The following NCAM1 variants were observed in gnomAD, a reference collection of about 807,000 sequenced individuals.
The protein encoded by NCAM1 is antigen recognized by monoclonal antibody 5.1H11.
Under a neutral mutation model 109.8 loss-of-function variants are expected in NCAM1, and 14 were observed. The observed-to-expected ratio is 0.13, with a 90% CI of 0.08 to 0.20. NCAM1 has a LOEUF of 0.20. Among genes scored for constraint, NCAM1 ranks in the 10% least tolerant of loss-of-function variants. The pLI is 1.00. For missense variants in NCAM1, 774 were observed against 1,109.9 expected, an observed-to-expected ratio of 0.70 and a Z score of 4.30; for synonymous variants, 418 against 442.9, an observed-to-expected ratio of 0.94 and a Z score of 0.70.
chr11:113,271,369 C>CAAAAAAAAAAAAAAAAA (rs71060298), intron 18 of NCAM1, among the ~76,000 whole-genome samples: 1 of 66,876 alleles, frequency 1.5e-5, no homozygotes, highest in Non-Finnish European at 2.5e-5. Flanking sequence ...GACTCTGTCT[C>CAAAAAAAAAAAAAAAAA]AAAAAAAAAA....
intron 1 of NCAM1, among the ~76,000 whole-genome samples, chr11:113,153,453 T>TGAGA (rs10669540): frequency 4.8e-4 from 68 of 141,270 alleles, no homozygotes; most frequent in East Asian, 8.5e-4. Context: ...AGACAGAGAG[T>TGAGA]GAGAGAGAGA....
intron 1 of NCAM1, among the ~76,000 whole-genome samples, chr11:113,171,701 G>A (rs1270475109): frequency 6.6e-6 from 1 of 152,016 alleles, no homozygotes; most frequent in Non-Finnish European, 1.5e-5. Flanking sequence ...CCCTCTTGAA[G>A]CTAACAATGA....
chr11:113,071,357 T>A (rs1463343605), intron 1 of NCAM1, among the ~76,000 whole-genome samples: 1 of 152,166 alleles, frequency 6.6e-6, no homozygotes, highest in African/African-American at 2.4e-5. Context: ...ATGATATTCC[T>A]TGAAGCTTTT....
intron 1 of NCAM1, among the ~76,000 whole-genome samples, chr11:113,008,149 T>C (rs1555073651): frequency 6.6e-6 from 1 of 152,228 alleles, no homozygotes; most frequent in African/African-American, 2.4e-5. Context: ...CTCTTCTTCA[T>C]AGTCTTATTC....
At chr11:113,191,960 A>C (rs1943691585) in intron 1 of NCAM1, among the ~76,000 whole-genome samples, 2 of 152,258 alleles carry the variant, frequency 1.3e-5, no homozygotes, top group South Asian at 4.1e-4. Flanking sequence ...TAAAATTCTC[A>C]GGATGAAGTT....
chr11:113,079,963 G>T (rs564094195), intron 1 of NCAM1, among the ~76,000 whole-genome samples: 1 of 152,266 alleles, frequency 6.6e-6, no homozygotes, highest in Non-Finnish European at 1.5e-5. Flanking sequence ...ATCTGTAAGG[G>T]TTTAAAGTCC....
intron 9 of NCAM1, among the ~76,000 whole-genome samples, chr11:113,226,842 A>G (rs1379127340): frequency 3.9e-5 from 6 of 152,252 alleles, no homozygotes; most frequent in Non-Finnish European, 8.8e-5. Flanking sequence ...TGGGTACATA[A>G]CGAAATGAAG....
At chr11:113,101,078 G>A (rs570189756) in intron 1 of NCAM1, among the ~76,000 whole-genome samples, 2 of 152,236 alleles carry the variant, frequency 1.3e-5, no homozygotes, top group East Asian at 3.9e-4. Context: ...GGAGATTCCA[G>A]TTTATGTTAT....
intron 18 of NCAM1, among the ~76,000 whole-genome samples, chr11:113,270,691 C>G (rs1334751124): frequency 1.3e-5 from 2 of 152,072 alleles, no homozygotes; most frequent in African/African-American, 4.8e-5. Flanking sequence ...AGAACTAAAC[C>G]TGGGGAGGAG....
At chr11:113,240,545 C>T in intron 14 of NCAM1, 1 of 531,008 alleles carries the variant, frequency 1.9e-6, no homozygotes, top group East Asian at 3.2e-5. Flanking sequence ...TGTTCCTGGC[C>T]CAGACTTTAC....
intron 17 of NCAM1, chr11:113,264,154 T>G (rs1459929608): frequency 1.0e-6 from 1 of 984,904 alleles, no homozygotes; most frequent in African/African-American, 1.7e-5. Context: ...CCTCCCCCCA[T>G]TGTGGTCACA....
At chr11:113,149,860 C>T (rs4366519) in intron 1 of NCAM1, among the ~76,000 whole-genome samples, 21,038 of 152,062 alleles carry the variant, frequency 0.14, 1,625 homozygotes, top group East Asian at 0.26. Context: ...TTTTGGAATA[C>T]GGAGTTGTGG....
chr11:113,076,974 TA>T (rs1291546394), intron 1 of NCAM1, among the ~76,000 whole-genome samples: 1 of 152,222 alleles, frequency 6.6e-6, no homozygotes, highest in African/African-American at 2.4e-5. Flanking sequence ...GTATCTGACC[TA>T]AAAATATTTT....
chr11:113,150,853 G>C (rs1317423991), intron 1 of NCAM1, among the ~76,000 whole-genome samples: 10 of 152,290 alleles, frequency 6.6e-5, no homozygotes, highest in African/African-American at 2.2e-4. Flanking sequence ...GGAAGAAGGG[G>C]AAAGATGAGC....
intron 1 of NCAM1, among the ~76,000 whole-genome samples, chr11:113,042,621 C>T (rs1953117765): frequency 6.6e-6 from 1 of 152,148 alleles, no homozygotes; most frequent in Non-Finnish European, 1.5e-5. Flanking sequence ...CCTGGGAGTG[C>T]TTTGCATGGA....
intron 17 of NCAM1, among the ~76,000 whole-genome samples, chr11:113,265,655 C>A (rs923724333): frequency 6.6e-6 from 1 of 152,156 alleles, no homozygotes; most frequent in Non-Finnish European, 1.5e-5. Flanking sequence ...TCCTGCAAGC[C>A]CCTGAGACCA....
chr11:113,183,781 A>G (rs1372239633), intron 1 of NCAM1, among the ~76,000 whole-genome samples: 1 of 152,196 alleles, frequency 6.6e-6, no homozygotes, highest in Non-Finnish European at 1.5e-5. Context: ...CAACCTTGGG[A>G]CCAGGAGGCT....
At chr11:113,060,599 C>T (rs1302053385) in intron 1 of NCAM1, among the ~76,000 whole-genome samples, 1 of 152,152 alleles carries the variant, frequency 6.6e-6, no homozygotes, top group African/African-American at 2.4e-5. Flanking sequence ...TCTAGAAAGG[C>T]TGTGTTATTT....
Position 113,278,364 on chromosome 11 carries a change from T to TACTA in NCAM1, c.*2981_*2984dup, listed in dbSNP as rs782151359. On this transcript the variant is annotated 3_prime_UTR_variant, in exon 20 of 20. Coordinates refer to ENST00000316851, the MANE Select transcript of NCAM1 (RefSeq NM_181351.5). ...CATTCTCACTGGTGTAAATACTGAG[T>TACTA]ACTAACTGAGAATTTTGACTTTGCA... The TACTA allele has an allele frequency of 3.9e-5, 6 of 152,128 alleles. No homozygotes were observed. The highest frequency in any genetic ancestry group is 2.1e-4 in the South Asian group (1 of 4,820). 9.4% of individuals were successfully genotyped at this position (152,128 alleles called of 1,614,324 possible). A position where few individuals can be genotyped will look rare whatever the true frequency, so the allele number is the denominator to read the frequency against.
Sources: gnomAD v4.1 joint callset for allele counts (sites outside exome capture counted in the v4.1 genomes callset) on GRCh38, gnomAD v4.1.1 for gene constraint, MANE v1.5 for transcripts, NCBI Gene and HGNC (gene_info 2026-07-23, HGNC 2026-07-21) for gene names.